The following PPP1R21 variants were observed in gnomAD, a reference collection of about 807,000 sequenced individuals.
PPP1R21 encodes protein phosphatase 1 regulatory subunit 21, also known as KLRAQ motif containing 1.
Under a neutral mutation model 112.8 loss-of-function variants are expected in PPP1R21, and 85 were observed. The observed-to-expected ratio is 0.75, with a 90% CI of 0.63 to 0.90. The LOEUF (loss-of-function observed/expected upper bound fraction) is 0.90, where lower values mean the gene tolerates loss of function less well. Ranked by LOEUF, PPP1R21 falls within the 40% of genes least tolerant of loss-of-function variation. PPP1R21 has a pLI of 0.00. For synonymous variants in PPP1R21, 381 were observed against 322.3 expected (o/e 1.18, Z -1.95); for missense variants, 1,199 against 901.5 (o/e 1.33, Z -4.23).
At chr2:48,457,659 A>G (rs1291360508) in intron 3 of PPP1R21, among the ~76,000 whole-genome samples, 2 of 152,196 alleles carry the variant, frequency 1.3e-5, no homozygotes, top group Non-Finnish European at 2.9e-5. Context: ...AGAAATTTAT[A>G]TGAACTTTTG....
intron 12 of PPP1R21, among the ~76,000 whole-genome samples, chr2:48,479,150 G>A (rs1668890522): frequency 1.3e-5 from 2 of 152,290 alleles, no homozygotes; most frequent in African/African-American, 4.8e-5. Context: ...AGGAGTAGGG[G>A]CTGGGTGAAA....
At chr2:48,467,931 G>A (rs1387941131) in intron 9 of PPP1R21, among the ~76,000 whole-genome samples, 2 of 152,142 alleles carry the variant, frequency 1.3e-5, no homozygotes, top group East Asian at 1.9e-4. Context: ...CATGCCATTC[G>A]TCCTACATAA....
chr2:48,454,781 T>C (rs199751461), intron 3 of PPP1R21, 40 bp downstream of exon 3: 213 of 1,509,216 alleles, frequency 1.4e-4, no homozygotes, highest in Non-Finnish European at 1.0e-4. Flanking sequence ...ACCTTGTCGT[T>C]AGTTACTGAC....
rs1237048797 is a variant in PPP1R21, at chr2:48,491,230, T to C, written c.1599+60T>C. The C allele has an allele frequency of 9.0e-6, 14 of 1,550,032 alleles. No homozygotes were observed. In the Admixed American group the frequency reaches 1.2e-4, roughly 13 times the overall value. ...AAACATCAGGAGTCATTCTAGAGAA[T>C]GGCAAGAGTTTTTCTGCAGTTTATA... On this transcript the variant is annotated intron_variant, in intron 15 of 21. Transcript: ENST00000294952.
At position 48,515,093 on chromosome 2, in the gene PPP1R21, G is replaced by C. The variant is rs557319737; in HGVS notation, c.*349G>C. On this transcript the variant is annotated 3_prime_UTR_variant, in exon 22 of 22. Coordinates refer to ENST00000294952, the MANE Select transcript of PPP1R21 (RefSeq NM_001135629.3). Reference sequence around the variant, plus strand: ...TTTCAAACTCAATTATATGGTAATCGATTTGGTATCTATGGAATAGATATA... The same window carrying C: ...TTTCAAACTCAATTATATGGTAATCCATTTGGTATCTATGGAATAGATATA... The C allele has an allele frequency of 3.5e-5, 8 of 230,750 alleles. No individual in the cohort carries two copies. The highest frequency in any genetic ancestry group is 5.0e-5 in the Non-Finnish European group (6 of 120,320). The allele number at this position is 230,750 out of a possible 1,614,324, so 14.3% of individuals were successfully genotyped here. A position where few individuals can be genotyped will look rare whatever the true frequency, so the allele number is the denominator to read the frequency against.
intron 1 of PPP1R21, among the ~76,000 whole-genome samples, chr2:48,448,623 A>G (rs1001655950): frequency 7.6e-6 from 1 of 132,120 alleles, no homozygotes; most frequent in African/African-American, 2.8e-5. Flanking sequence ...AATAAAATCT[A>G]AAGACTGAAG....
chr2:48,454,444 A>G, intron 2 of PPP1R21, 151 bp from the exon 3 acceptor site: 2 of 852,700 alleles, frequency 2.3e-6, no homozygotes, highest in South Asian at 1.7e-5. Context: ...AAGTGCTAAA[A>G]ACTTAAGAAC....
intron 17 of PPP1R21, among the ~76,000 whole-genome samples, chr2:48,500,041 G>A (rs1277387926): frequency 2.0e-5 from 3 of 152,036 alleles, no homozygotes; most frequent in African/African-American, 4.8e-5. Flanking sequence ...CTTTACTCCT[G>A]AAGCTCACTG....
At chr2:48,445,683 G>C (rs1180853512) in intron 1 of PPP1R21, among the ~76,000 whole-genome samples, 1 of 152,188 alleles carries the variant, frequency 6.6e-6, no homozygotes, top group Non-Finnish European at 1.5e-5. Context: ...AAGGGTTGGG[G>C]TTTTGTCGTA....
chr2:48,448,532 C>T (rs1413291415), intron 1 of PPP1R21, among the ~76,000 whole-genome samples: 1 of 145,802 alleles, frequency 6.9e-6, no homozygotes, highest in East Asian at 2.0e-4. Context: ...CTAAATACCA[C>T]ACAAAGAAGA....
chr2:48,464,273 A>G (rs998028421), intron 7 of PPP1R21, among the ~76,000 whole-genome samples: 2 of 152,130 alleles, frequency 1.3e-5, no homozygotes, highest in Non-Finnish European at 1.5e-5. Flanking sequence ...TCTGAATCGT[A>G]TTTTGGCACT....
At chr2:48,495,933 G>A in intron 16 of PPP1R21, 162 bp downstream of exon 16, 1 of 554,848 alleles carries the variant, frequency 1.8e-6, no homozygotes, top group Non-Finnish European at 3.2e-6. Context: ...ATAATTTGTT[G>A]AAAAACATGT....
chr2:48,479,983 G>A lies in PPP1R21; in HGVS notation c.1285G>A (p.Ala429Thr), dbSNP rs143390930. 2 of 1,613,120 alleles carry A rather than the reference G, an allele frequency of 1.2e-6. No homozygotes were observed. The highest frequency in any genetic ancestry group is 1.1e-5 in the South Asian group (1 of 91,058). ...CAGTTCTGTGTTAACAAATGTTGGTGCTGCTCTGCATGGATTTCATGACGT... is the reference window on the plus strand; with the variant it reads ...CAGTTCTGTGTTAACAAATGTTGGTACTGCTCTGCATGGATTTCATGACGT... ...NYSSVLTNVG[A>T]ALHGFHDVMK... Residue 429 changes from alanine to threonine, a missense_variant, in exon 13 of 22, where the codon GCT becomes ACT. By Grantham distance (58) the Ala-to-Thr change is moderately conservative. Transcript: ENST00000294952.
intron 1 of PPP1R21, among the ~76,000 whole-genome samples, chr2:48,447,741 G>A (rs1667309729): frequency 6.6e-6 from 1 of 152,092 alleles, no homozygotes; most frequent in East Asian, 1.9e-4. Flanking sequence ...TTGAGGTCAG[G>A]AGTTCAAGAC....
At chr2:48,483,157 G>A (rs992681520) in intron 13 of PPP1R21, among the ~76,000 whole-genome samples, 1 of 143,440 alleles carries the variant, frequency 7.0e-6, no homozygotes, top group African/African-American at 2.6e-5. Flanking sequence ...TGACGTATAC[G>A]TACTACATTT....
intron 7 of PPP1R21, 23 bp downstream of exon 7, chr2:48,461,255 C>T (rs369418173): frequency 2.0e-6 from 3 of 1,501,676 alleles, no homozygotes; most frequent in African/African-American, 2.9e-5. Flanking sequence ...TACAGTTTTC[C>T]ATTATTTGTA....
chr2:48,469,469 C>CAT (rs146311511), intron 9 of PPP1R21, among the ~76,000 whole-genome samples: 39,305 of 57,864 alleles, frequency 0.68, 15,211 homozygotes, highest in Middle Eastern at 0.82. Context: ...ATATATAGAG[C>CAT]ATATATATAT....
intron 12 of PPP1R21, among the ~76,000 whole-genome samples, chr2:48,477,188 C>T (rs373448104): frequency 6.8e-6 from 1 of 146,202 alleles, no homozygotes; most frequent in Non-Finnish European, 1.5e-5. Flanking sequence ...GTGTCACACT[C>T]TCAGCTCGCT....
chr2:48,477,838 C>A (rs183354699), intron 12 of PPP1R21, among the ~76,000 whole-genome samples: 1 of 151,860 alleles, frequency 6.6e-6, no homozygotes, highest in South Asian at 2.1e-4. Flanking sequence ...GAATTGTGTC[C>A]CCCAAAATAA....
Sources: gnomAD v4.1 joint callset for allele counts (sites outside exome capture counted in the v4.1 genomes callset) on GRCh38, gnomAD v4.1.1 for gene constraint, MANE v1.5 for transcripts, NCBI Gene and HGNC (gene_info 2026-07-23, HGNC 2026-07-21) for gene names.